Variants in LIX1 observed in about 807,000 individuals in gnomAD.
LIX1 encodes limb and CNS expressed 1, also known as protein limb expression 1 homolog.
A neutral mutation model predicts 33.4 loss-of-function variants in LIX1; 24 were observed. The observed-to-expected ratio is 0.72, with a 90% CI of 0.52 to 1.01. LIX1 has a LOEUF of 1.01. Among genes scored for constraint, LIX1 ranks in the 50% least tolerant of loss-of-function variants. The pLI, the probability that LIX1 is intolerant of heterozygous loss-of-function variation, is 0.00. For synonymous variants in LIX1, 124 were observed against 124.0 expected, an observed-to-expected ratio of 1.00 and a Z score of 0.00; for missense variants, 311 against 339.2, an observed-to-expected ratio of 0.92 and a Z score of 0.65.
At chr5:97,123,757 C>T (rs774528883) in intron 2 of LIX1, among the ~76,000 whole-genome samples, 1 of 152,186 alleles carries the variant, frequency 6.6e-6, no homozygotes, top group Non-Finnish European at 1.5e-5. Context: ...CTCTCCCAAC[C>T]GTTCCTTGCC....
At chr5:97,126,715 T>C (rs1361030668) in intron 1 of LIX1, among the ~76,000 whole-genome samples, 2 of 149,806 alleles carry the variant, frequency 1.3e-5, no homozygotes, top group Non-Finnish European at 3.0e-5. Context: ...TCTCGGCTCA[T>C]TGCAAGCTCT....
rs578063419 is a variant in LIX1, at chr5:97,142,444, T to G, written c.82+51A>C. 80 of 1,265,152 alleles carry G rather than the reference T, an allele frequency of 6.3e-5. 2 individuals carry two copies. In the South Asian group the frequency reaches 9.5e-4, roughly 15 times the overall value. 78.4% of individuals were successfully genotyped at this position (1,265,152 alleles called of 1,614,324 possible). A position where few individuals can be genotyped will look rare whatever the true frequency, so the allele number is the denominator to read the frequency against. On this transcript the variant is annotated intron_variant, in intron 1 of 5. Transcript: ENST00000274382. ...ACTTAAATAGGATGTGACTTGACGT[T>G]TAGGACTATTTTCTAAAAAGTCAAA...
chr5:97,098,641 T>C (rs1051294929), intron 4 of LIX1, among the ~76,000 whole-genome samples: 1 of 152,194 alleles, frequency 6.6e-6, no homozygotes, highest in Admixed American at 6.5e-5. Flanking sequence ...TTCTAGCAAC[T>C]TGGGAGGCTG....
intron 4 of LIX1, 116 bp downstream of exon 4, chr5:97,105,074 A>G (rs906045678): frequency 2.1e-6 from 2 of 954,186 alleles, no homozygotes; most frequent in Admixed American, 4.3e-5. Context: ...TAAAATGACC[A>G]AAAACACTTA....
Position 97,092,677 on chromosome 5 carries a change from A to G in LIX1, c.*2071T>C, listed in dbSNP as rs1437520312. Reference sequence around the variant, plus strand: ...AGAATGGGTGCAGTTTTTAACTTGTAGGGCACAAAGTAAATTTGATATTGT... The same window carrying G: ...AGAATGGGTGCAGTTTTTAACTTGTGGGGCACAAAGTAAATTTGATATTGT... On this transcript the variant is annotated 3_prime_UTR_variant, in exon 6 of 6. Coordinates refer to ENST00000274382, the MANE Select transcript of LIX1 (RefSeq NM_153234.5). The G allele has an allele frequency of 1.3e-5, 2 of 152,364 alleles. No individual in the cohort carries two copies. Among genetic ancestry groups the G allele is most frequent in the East Asian group, 3.7e-4 (2 of 5,342 alleles). The allele number at this position is 152,364 out of a possible 1,614,324, so 9.4% of individuals were successfully genotyped here.
intron 1 of LIX1, among the ~76,000 whole-genome samples, chr5:97,140,443 G>T (rs1390192624): frequency 6.6e-6 from 1 of 152,182 alleles, no homozygotes; most frequent in Admixed American, 6.5e-5. Flanking sequence ...GTGACTAGGA[G>T]GAGAGGGGAC....
At chr5:97,113,179 T>C (rs765774019) in intron 2 of LIX1, among the ~76,000 whole-genome samples, 21 of 152,146 alleles carry the variant, frequency 1.4e-4, no homozygotes, top group Non-Finnish European at 2.6e-4. Context: ...CCAGCAGCCA[T>C]CTGAGTGAGA....
chr5:97,092,401 A>C lies in LIX1; in HGVS notation c.*2347T>G, dbSNP rs1338046640. Reference sequence around the variant, plus strand: ...CAGAACAAGATATAGAAAAGGAAAAAAAAAATCTGCTTTGCTCTTCAACCC... The same window carrying C: ...CAGAACAAGATATAGAAAAGGAAAACAAAAATCTGCTTTGCTCTTCAACCC... On this transcript the variant is annotated 3_prime_UTR_variant, in exon 6 of 6. Transcript: ENST00000274382. 1 of 152,276 alleles carries C rather than the reference A, an allele frequency of 6.6e-6. No individual in the cohort carries two copies. The highest frequency in any genetic ancestry group is 1.9e-4 in the East Asian group (1 of 5,342). The allele number at this position is 152,276 out of a possible 1,614,324, so 9.4% of individuals were successfully genotyped here.
Position 97,094,937 on chromosome 5 carries a change from A to T in LIX1, c.660T>A (p.Ile220=). The T allele has an allele frequency of 6.2e-7, 1 of 1,614,190 alleles. No homozygotes were observed. Among genetic ancestry groups the T allele is most frequent in the South Asian group, 1.1e-5 (1 of 91,088 alleles). Residue 220 remains isoleucine, a synonymous_variant, in exon 6 of 6, where the codon ATT becomes ATA. Transcript: ENST00000274382. The part of the protein sequence containing the change: ...WIMKERDSPG[I]VSQELRMALR... ...GGGCCATTCGTAGCTCTTGAGAGAC[A>T]ATTCCTGGTGAGTCCCGCTCCTTCA...
chr5:97,131,923 A>G (rs1457740484), intron 1 of LIX1, among the ~76,000 whole-genome samples: 7 of 152,200 alleles, frequency 4.6e-5, no homozygotes, highest in Admixed American at 4.6e-4. Flanking sequence ...GTAGAGAGAG[A>G]TGAAGCCTGG....
At chr5:97,141,009 A>C (rs1275960448) in intron 1 of LIX1, among the ~76,000 whole-genome samples, 1 of 152,230 alleles carries the variant, frequency 6.6e-6, no homozygotes, top group East Asian at 1.9e-4. Context: ...TTTCTAGTCT[A>C]TCTTCTTTTC....
chr5:97,105,212 C>G lies in LIX1; in HGVS notation c.461G>C (p.Gly154Ala). 2 of 1,614,032 alleles carry G rather than the reference C, an allele frequency of 1.2e-6. No homozygotes were observed. Among genetic ancestry groups the G allele is most frequent in the Non-Finnish European group, 1.7e-6 (2 of 1,179,912 alleles). Residue 154 changes from glycine to alanine, a missense_variant, in exon 4 of 6, where the codon GGG becomes GCG. Transcript: ENST00000274382. Reference sequence around the variant, plus strand: ...TACCTGAAACTCCAGCATAGTCTTCCCCATGTTTGACTCCAGCATGTAGTG... The same window carrying G: ...TACCTGAAACTCCAGCATAGTCTTCGCCATGTTTGACTCCAGCATGTAGTG... ...AYHYMLESNM[G>A]KTMLEFQELM...
chr5:97,135,711 T>A (rs1211319434), intron 1 of LIX1, among the ~76,000 whole-genome samples: 1 of 151,808 alleles, frequency 6.6e-6, no homozygotes, highest in Non-Finnish European at 1.5e-5. Flanking sequence ...CCCAGCTACT[T>A]GGTAGGCTGA....
chr5:97,102,412 C>T (rs1746758118), intron 4 of LIX1, among the ~76,000 whole-genome samples: 1 of 152,078 alleles, frequency 6.6e-6, no homozygotes, highest in African/African-American at 2.4e-5. Context: ...TCCCAGCAGG[C>T]AAGCTAGGGC....
In LIX1 at chr5:97,107,440, G is replaced by A; in HGVS notation, c.307C>T (p.Leu103Phe). 1.9e-6 allele frequency: 3 copies of A among 1,613,484 alleles called. No individual in the cohort carries two copies. The highest frequency in any genetic ancestry group is 2.5e-6 in the Non-Finnish European group (3 of 1,179,990). ...CTGCGAGAGGGCAGCTCATTGAAGA[G>A]GGAGTTGATCAGGGCCACTTTAGCT... is the stretch of plus-strand genomic sequence containing the variant. ...DAAKVALINSLFNELPSRRIT... is the reference protein window; with the variant it reads ...DAAKVALINSFFNELPSRRIT... Residue 103 changes from leucine to phenylalanine, a missense_variant, in exon 3 of 6, where the codon CTC becomes TTC. Coordinates refer to ENST00000274382, the MANE Select transcript of LIX1 (RefSeq NM_153234.5).
At position 97,120,326 on chromosome 5, in the gene LIX1, G is replaced by A. The variant is rs185344654; in HGVS notation, c.246+4140C>T. 8.9e-4 allele frequency among the ~76,000 whole-genome samples: 136 copies of A among 152,258 alleles called. 2 individuals carry two copies. Among genetic ancestry groups the A allele is most frequent in the East Asian group, 4.8e-3 (25 of 5,184 alleles). Reference sequence around the variant, plus strand: ...GCTATTCACTTAACACAATTTATTAGGCACTTTATGCACTGTATGCGAAAC... The same window carrying A: ...GCTATTCACTTAACACAATTTATTAAGCACTTTATGCACTGTATGCGAAAC... On this transcript the variant is annotated intron_variant, in intron 2 of 5. Coordinates refer to ENST00000274382, the MANE Select transcript of LIX1 (RefSeq NM_153234.5).
intron 1 of LIX1, among the ~76,000 whole-genome samples, chr5:97,136,029 C>T (rs766852903): frequency 5.9e-5 from 9 of 152,196 alleles, no homozygotes; most frequent in Non-Finnish European, 1.0e-4. Flanking sequence ...GATCCTGCCA[C>T]AGCTATCTAA....
At chr5:97,122,138 A>G (rs1747803390) in intron 2 of LIX1, among the ~76,000 whole-genome samples, 1 of 152,206 alleles carries the variant, frequency 6.6e-6, no homozygotes, top group Admixed American at 6.5e-5. Flanking sequence ...TACCAGTGGT[A>G]AAAACACACT....
At chr5:97,135,408 G>A (rs1186129416) in intron 1 of LIX1, among the ~76,000 whole-genome samples, 3 of 152,182 alleles carry the variant, frequency 2.0e-5, no homozygotes, top group African/African-American at 7.2e-5. Context: ...TGGGTCAGAT[G>A]ATGTCATTCA....
Sources: allele counts gnomAD v4.1 joint callset (sites outside exome capture counted in the v4.1 genomes callset), GRCh38; gene constraint gnomAD v4.1.1; transcripts MANE v1.5; gene names NCBI Gene and HGNC (gene_info 2026-07-23, HGNC 2026-07-21).